The following AGBL1 variants were observed in gnomAD, a reference collection of about 807,000 sequenced individuals.
AGBL1 encodes the protein AGBL carboxypeptidase 1, also known as cytosolic carboxypeptidase 4.
AGBL1 carries 130 observed loss-of-function variants against 118.9 expected under a neutral mutation model. The ratio of observed to expected loss-of-function variants is 1.09; its 90% confidence interval spans 0.95 to 1.26. The LOEUF is 1.26. Among genes scored for constraint, AGBL1 ranks in the 50% most tolerant of loss-of-function variants. The probability of loss-of-function intolerance (pLI) is 0.00; values close to 1 mark genes in which losing one functional copy is unlikely to be tolerated. For missense variants in AGBL1, 1,584 were observed against 1,298.1 expected (o/e 1.22, Z -3.38); for synonymous variants, 555 against 478.9 (o/e 1.16, Z -2.08).
intron 22 of AGBL1, among the ~76,000 whole-genome samples, chr15:86,868,065 G>A (rs2079658303): frequency 6.6e-6 from 1 of 152,162 alleles, no homozygotes; most frequent in Non-Finnish European, 1.5e-5. Context: ...TTCAAAATAA[G>A]GAATTATCAA....
chr15:86,597,911 A>G (rs2142365032), intron 21 of AGBL1, among the ~76,000 whole-genome samples: 1 of 152,294 alleles, frequency 6.6e-6, no homozygotes, highest in South Asian at 2.1e-4. Context: ...TGAAACAGAT[A>G]AAAGAGAGGG....
intron 17 of AGBL1, among the ~76,000 whole-genome samples, chr15:86,373,985 G>A (rs1182789425): frequency 6.6e-6 from 1 of 152,148 alleles, no homozygotes; most frequent in African/African-American, 2.4e-5. Flanking sequence ...AGGTCCTGTG[G>A]CATAGCTGTA....
chr15:86,742,062 G>C lies in AGBL1; in HGVS notation c.3158+67626G>C, dbSNP rs2077687610. ...AGGGAAGGGTAAGCTTTTTTGTGTG[G>C]AGAGGAGGGTTGAGAGGCCGGCAGT... On this transcript the variant is annotated intron_variant, in intron 22 of 22. Transcript: ENST00000614907. Among the ~76,000 whole-genome samples, 3 of 151,936 alleles carry C rather than the reference G, an allele frequency of 2.0e-5. No individual in the cohort carries two copies. The South Asian group carries it at 6.2e-4, about 32-fold the overall frequency.
In AGBL1 at chr15:86,870,454, CAAAAAAAAAAAAAAAA is replaced by C. The variant is rs770556494; in HGVS notation, c.3159-36606_3159-36591del. Among the ~76,000 whole-genome samples, 95 of 64,118 alleles carry C rather than the reference CAAAAAAAAAAAAAAAA, an allele frequency of 1.5e-3. No individual in the cohort carries two copies. In the East Asian group the frequency reaches 0.022, roughly 15 times the overall value. The allele number at this position is 64,118 out of a possible 152,430, so 42.1% of individuals were successfully genotyped here. The stretch of plus-strand genomic sequence containing the variant: ...GGCAAGAAAAAAGTAAAGCATACTG[CAAAAAAAAAAAAAAAA>C]AAAAAAAAAAAAAAAAAAAAAAAAA... On this transcript the variant is annotated intron_variant, in intron 22 of 22. Coordinates refer to ENST00000614907, the MANE Select transcript of AGBL1 (RefSeq NM_001386094.1).
Position 86,108,847 on chromosome 15 carries a change from C to A in AGBL1, c.51+28824C>A, listed in dbSNP as rs1275845192. Among the ~76,000 whole-genome samples the A allele has an allele frequency of 2.0e-5, 3 of 152,158 alleles. No homozygotes were observed. The East Asian group carries it at 5.8e-4, about 29-fold the overall frequency. The stretch of plus-strand genomic sequence containing the variant: ...TGGCATGCACCTGTAGTCCCAGCTA[C>A]TTGGGAGGCTGAGGCAGGAGAATCA... On this transcript the variant is annotated intron_variant, in intron 1 of 22. Coordinates refer to ENST00000614907, the MANE Select transcript of AGBL1 (RefSeq NM_001386094.1).
At chr15:86,966,705 T>C (rs938233663) in intron 23 of AGBL1, among the ~76,000 whole-genome samples, 3 of 152,180 alleles carry the variant, frequency 2.0e-5, no homozygotes, top group Non-Finnish European at 4.4e-5. Flanking sequence ...TGTGCCATAT[T>C]TTCTTAATCC....
intron 18 of AGBL1, among the ~76,000 whole-genome samples, chr15:86,511,676 A>G (rs2083054299): frequency 6.6e-6 from 1 of 152,018 alleles, no homozygotes; most frequent in African/African-American, 2.4e-5. Context: ...ATAGCAGTTA[A>G]TAAAAGGCAT....
chr15:86,672,833 C>T (rs1596356659), intron 21 of AGBL1, among the ~76,000 whole-genome samples: 1 of 152,158 alleles, frequency 6.6e-6, no homozygotes, highest in Non-Finnish European at 1.5e-5. Context: ...AGTAATGTCT[C>T]CTTTCTTTAG....
At chr15:86,588,765 AG>A (rs1163240158) in intron 21 of AGBL1, among the ~76,000 whole-genome samples, 1 of 152,202 alleles carries the variant, frequency 6.6e-6, no homozygotes, top group Non-Finnish European at 1.5e-5. Context: ...TGACCCTATG[AG>A]GAGGCAGCAA....
At chr15:86,850,978 CAAT>C (rs1430747670) in intron 22 of AGBL1, among the ~76,000 whole-genome samples, 1 of 152,044 alleles carries the variant, frequency 6.6e-6, no homozygotes, top group African/African-American at 2.4e-5. Flanking sequence ...TATAGGAAAT[CAAT>C]AATAATTTTC....
At chr15:86,481,515 T>C (rs1440095420) in intron 18 of AGBL1, among the ~76,000 whole-genome samples, 1 of 152,142 alleles carries the variant, frequency 6.6e-6, no homozygotes, top group African/African-American at 2.4e-5. Context: ...GGTTGGAATA[T>C]GCAATGAATG....
chr15:86,954,154 G>A (rs745324545), intron 23 of AGBL1, among the ~76,000 whole-genome samples: 4 of 152,132 alleles, frequency 2.6e-5, no homozygotes, highest in Non-Finnish European at 5.9e-5. Context: ...AACAGAATCT[G>A]GTGAGGCTGC....
intron 1 of AGBL1, among the ~76,000 whole-genome samples, chr15:86,091,419 A>G (rs1293175100): frequency 6.6e-6 from 1 of 152,194 alleles, no homozygotes; most frequent in Non-Finnish European, 1.5e-5. Context: ...CACTAGCATC[A>G]TGACTCCAAG....
chr15:86,747,614 G>A (rs987420607), intron 22 of AGBL1, among the ~76,000 whole-genome samples: 10 of 152,082 alleles, frequency 6.6e-5, no homozygotes, highest in African/African-American at 2.2e-4. Flanking sequence ...ATCTCCTAAT[G>A]CTTTCCCTCC....
chr15:86,851,521 A>G lies in AGBL1; in HGVS notation c.3159-55566A>G, dbSNP rs899507146. 2.6e-5 allele frequency among the ~76,000 whole-genome samples: 4 copies of G among 152,294 alleles called. No homozygotes were observed. In the East Asian group the frequency reaches 5.8e-4, roughly 22 times the overall value. ...ATATCAAACCCATTCAGTGGGCACA[A>G]CTTTCTGTATCCCCAGAATTTCCTG... is the stretch of plus-strand genomic sequence containing the variant. On this transcript the variant is annotated intron_variant, in intron 22 of 22. Coordinates refer to ENST00000614907, the MANE Select transcript of AGBL1 (RefSeq NM_001386094.1).
chr15:86,925,667 TTTTTCTTC>T (rs990869158), intron 23 of AGBL1, among the ~76,000 whole-genome samples: 2 of 151,106 alleles, frequency 1.3e-5, no homozygotes, highest in East Asian at 1.9e-4. Flanking sequence ...TTGATGGGAG[TTTTTCTTC>T]TTTTCTTCTT....
At chr15:86,443,237 G>C (rs868233235) in intron 18 of AGBL1, among the ~76,000 whole-genome samples, 1 of 152,206 alleles carries the variant, frequency 6.6e-6, no homozygotes, top group African/African-American at 2.4e-5. Context: ...TGGGGGTACA[G>C]TTTGTGCTCT....
intron 20 of AGBL1, among the ~76,000 whole-genome samples, chr15:86,548,616 A>C (rs2083619035): frequency 6.6e-6 from 1 of 151,252 alleles, no homozygotes; most frequent in African/African-American, 2.4e-5. Context: ...GTCATCAAGA[A>C]ATGCAGTTTT....
intron 18 of AGBL1, among the ~76,000 whole-genome samples, chr15:86,500,741 A>T (rs550887156): frequency 6.6e-6 from 1 of 151,738 alleles, no homozygotes; most frequent in African/African-American, 2.4e-5. Flanking sequence ...TATAAATGGT[A>T]TGATATAATG....
Sources: allele counts gnomAD v4.1 joint callset (sites outside exome capture counted in the v4.1 genomes callset), GRCh38; gene constraint gnomAD v4.1.1; transcripts MANE v1.5; gene names NCBI Gene and HGNC (gene_info 2026-07-23, HGNC 2026-07-21).